Variants in CDH18 observed in about 807,000 individuals in gnomAD.
CDH18 encodes cadherin-18.
CDH18 carries 31 observed loss-of-function variants against 67.9 expected under a neutral mutation model. The ratio of observed to expected loss-of-function variants is 0.46; its 90% CI spans 0.34 to 0.62. The LOEUF is 0.62. Among genes scored for constraint, CDH18 ranks in the 20% least tolerant of loss-of-function variants. CDH18 has a pLI of 0.01. For missense variants in CDH18, 890 were observed against 975.5 expected (o/e 0.91, Z 1.17); for synonymous variants, 362 against 347.2 (o/e 1.04, Z -0.48).
intron 5 of CDH18, among the ~76,000 whole-genome samples, chr5:19,613,526 G>C (rs1408355814): frequency 6.6e-6 from 1 of 152,142 alleles, no homozygotes; most frequent in African/African-American, 2.4e-5. Flanking sequence ...TAAATCATCT[G>C]TAAAAAATCA....
intron 1 of CDH18, among the ~76,000 whole-genome samples, chr5:20,347,656 G>T (rs1740812445): frequency 6.6e-6 from 1 of 152,200 alleles, no homozygotes; most frequent in African/African-American, 2.4e-5. Context: ...AAATATCTTT[G>T]TCTTAACCTT....
intron 2 of CDH18, among the ~76,000 whole-genome samples, chr5:19,939,459 C>T (rs1336966779): frequency 1.3e-5 from 2 of 151,282 alleles, no homozygotes; most frequent in African/African-American, 4.8e-5. Flanking sequence ...AATTATAATC[C>T]AGGTTTATTT....
rs995693425 is a variant in CDH18, at chr5:19,960,323, T to G, written c.-257+20737A>C. On this transcript the variant is annotated intron_variant, in intron 2 of 12. Coordinates refer to ENST00000382275, the MANE Select transcript of CDH18 (RefSeq NM_004934.5). The stretch of plus-strand genomic sequence containing the variant: ...TACAAGCACTTCTCTATCTTTCATT[T>G]GTTTTTACTTTTTAAACATTTTTGT... Among the ~76,000 whole-genome samples the G allele has an allele frequency of 1.2e-4, 19 of 152,106 alleles. No individual in the cohort carries two copies. The East Asian group carries it at 2.9e-3, about 23-fold the overall frequency.
intron 5 of CDH18, among the ~76,000 whole-genome samples, chr5:19,645,436 G>A (rs576224626): frequency 7.2e-5 from 11 of 152,258 alleles, no homozygotes; most frequent in African/African-American, 1.2e-4. Context: ...GTAAAGTAAC[G>A]GGAGAGCAGA....
At chr5:19,765,388 C>CTT (rs200561766) in intron 3 of CDH18, among the ~76,000 whole-genome samples, 1 of 61,182 alleles carries the variant, frequency 1.6e-5, no homozygotes, top group Non-Finnish European at 7.1e-5. Context: ...AGTCCTGTTT[C>CTT]TTTTTTTATT....
At chr5:20,454,881 G>A (rs79513120) in intron 1 of CDH18, among the ~76,000 whole-genome samples, 16 of 152,126 alleles carry the variant, frequency 1.1e-4, no homozygotes, top group South Asian at 2.1e-4. Flanking sequence ...ACTACATTTT[G>A]TCTAGGAAAG....
chr5:19,929,983 A>C (rs576660838), intron 2 of CDH18, among the ~76,000 whole-genome samples: 19 of 152,246 alleles, frequency 1.2e-4, no homozygotes, highest in Middle Eastern at 6.8e-3. Flanking sequence ...AAATAGGTTC[A>C]GATGTATAAT....
chr5:20,192,389 A>C (rs1307309476), intron 2 of CDH18, among the ~76,000 whole-genome samples: 2 of 151,892 alleles, frequency 1.3e-5, no homozygotes, highest in African/African-American at 2.4e-5. Flanking sequence ...CTTTTGTTGC[A>C]ATTGCTTTTG....
intron 11 of CDH18, among the ~76,000 whole-genome samples, chr5:19,489,393 G>C (rs942645084): frequency 1.3e-5 from 2 of 151,416 alleles, no homozygotes; most frequent in African/African-American, 4.9e-5. Context: ...GACTACAGGC[G>C]CCCGCCACCA....
At chr5:19,745,884 T>C (rs1769930041) in intron 4 of CDH18, among the ~76,000 whole-genome samples, 1 of 152,080 alleles carries the variant, frequency 6.6e-6, no homozygotes, top group African/African-American at 2.4e-5. Context: ...AGAGAAAAGA[T>C]GCTACCATCT....
intron 2 of CDH18, among the ~76,000 whole-genome samples, chr5:20,197,593 C>A (rs1739082932): frequency 6.6e-6 from 1 of 152,136 alleles, no homozygotes; most frequent in Non-Finnish European, 1.5e-5. Context: ...TGGCAGTGAT[C>A]ATGATTTTGT....
intron 4 of CDH18, among the ~76,000 whole-genome samples, chr5:19,733,797 C>T (rs374012652): frequency 1.6e-4 from 24 of 152,318 alleles, no homozygotes; most frequent in African/African-American, 5.8e-4. Context: ...CCTGTAACAT[C>T]CCCTCTGGGG....
At chr5:20,284,572 T>C (rs1246401740) in intron 1 of CDH18, among the ~76,000 whole-genome samples, 2 of 151,948 alleles carry the variant, frequency 1.3e-5, no homozygotes, top group African/African-American at 4.8e-5. Context: ...TGAGTTTATG[T>C]CAGTCAATTC....
At chr5:20,500,280 A>G (rs1754179059) in intron 1 of CDH18, among the ~76,000 whole-genome samples, 1 of 152,186 alleles carries the variant, frequency 6.6e-6, no homozygotes, top group African/African-American at 2.4e-5. Flanking sequence ...CTGTGGTGGC[A>G]TCCATTATGT....
intron 1 of CDH18, among the ~76,000 whole-genome samples, chr5:20,429,493 C>T (rs987334477): frequency 6.6e-6 from 1 of 152,062 alleles, no homozygotes; most frequent in African/African-American, 2.4e-5. Context: ...TGATAAACTC[C>T]TATTTATCTG....
At chr5:19,660,074 A>T (rs1263386945) in intron 5 of CDH18, among the ~76,000 whole-genome samples, 1 of 152,088 alleles carries the variant, frequency 6.6e-6, no homozygotes, top group East Asian at 1.9e-4. Flanking sequence ...CAGTTTTCAA[A>T]TTTCTAAGCA....
At chr5:20,211,726 A>G (rs780047169) in intron 2 of CDH18, among the ~76,000 whole-genome samples, 4 of 152,170 alleles carry the variant, frequency 2.6e-5, no homozygotes, top group African/African-American at 4.8e-5. Flanking sequence ...AATAGCATCA[A>G]CATCAACAAA....
At chr5:19,614,617 G>C (rs983373004) in intron 5 of CDH18, among the ~76,000 whole-genome samples, 17 of 152,050 alleles carry the variant, frequency 1.1e-4, no homozygotes, top group South Asian at 8.3e-4. Context: ...CTTTGGTGGG[G>C]AGAAATATGA....
chr5:20,124,251 A>G (rs1164207622), intron 2 of CDH18, among the ~76,000 whole-genome samples: 1 of 152,190 alleles, frequency 6.6e-6, no homozygotes, highest in Non-Finnish European at 1.5e-5. Context: ...TGCTTGTCCC[A>G]TAGGAATGTG....
Sources: allele counts gnomAD v4.1 joint callset (sites outside exome capture counted in the v4.1 genomes callset), GRCh38; gene constraint gnomAD v4.1.1; transcripts MANE v1.5; gene names NCBI Gene and HGNC (gene_info 2026-07-23, HGNC 2026-07-21).